SPATA9: variants seen among roughly 807,000 people sequenced by gnomAD.
SPATA9 encodes the protein spermatogenesis-associated protein 9.
SPATA9 carries 27 observed loss-of-function variants against 25.5 expected under a neutral mutation model. That is an observed-to-expected ratio of 1.06 (90% confidence interval 0.78 to 1.46). SPATA9 has a LOEUF of 1.46. Among genes scored for constraint, SPATA9 ranks in the 40% most tolerant of loss-of-function variants. The pLI, the probability that SPATA9 is intolerant of heterozygous loss-of-function variation, is 0.00. For synonymous variants in SPATA9, 102 were observed against 105.7 expected, an observed-to-expected ratio of 0.97 and a Z score of 0.21; for missense variants, 282 against 297.5, an observed-to-expected ratio of 0.95 and a Z score of 0.38.
At chr5:95,705,236 C>T in the SPATA9 span, among the ~76,000 whole-genome samples, 17 of 152,022 alleles carry the variant, frequency 1.1e-4, no homozygotes, top group Non-Finnish European at 2.2e-4. Context: ...TAAAGTGCTG[C>T]GATTACAGGC....
At chr5:95,708,171 C>T in the SPATA9 span, among the ~76,000 whole-genome samples, 5 of 152,050 alleles carry the variant, frequency 3.3e-5, no homozygotes, top group African/African-American at 2.4e-5. Context: ...TAGATTTTCT[C>T]GAACTTTTGG....
the SPATA9 span, among the ~76,000 whole-genome samples, chr5:95,711,479 C>A: frequency 6.6e-6 from 1 of 152,174 alleles, no homozygotes; most frequent in South Asian, 2.1e-4. Flanking sequence ...GGACATAAAC[C>A]AAGAAGGGGG....
At chr5:95,728,098 A>G in the SPATA9 span, among the ~76,000 whole-genome samples, 1 of 152,234 alleles carries the variant, frequency 6.6e-6, no homozygotes, top group Non-Finnish European at 1.5e-5. Flanking sequence ...ATGTGGCCCT[A>G]CCTATATGCA....
chr5:95,731,750 G>A, the SPATA9 span: 3 of 1,609,862 alleles, frequency 1.9e-6, no homozygotes, highest in East Asian at 4.5e-5. Context: ...CAGGGACAGG[G>A]GCTGGTGCCC....
intron 1 of SPATA9, among the ~76,000 whole-genome samples, chr5:95,694,876 A>C (rs1753976119): frequency 6.6e-6 from 1 of 152,204 alleles, no homozygotes; most frequent in African/African-American, 2.4e-5. Flanking sequence ...AGACAACTCT[A>C]GATTTAGTCC....
the SPATA9 span, among the ~76,000 whole-genome samples, chr5:95,722,650 C>G: frequency 8.5e-5 from 13 of 152,264 alleles, no homozygotes; most frequent in African/African-American, 3.1e-4. Context: ...CCACCATGCC[C>G]GGCTAATTTT....
chr5:95,685,265 C>T (rs570888259), upstream of SPATA9, among the ~76,000 whole-genome samples: 6 of 152,196 alleles, frequency 3.9e-5, no homozygotes, highest in African/African-American at 7.2e-5. Flanking sequence ...TGGGCTTGCC[C>T]GATTCACCTG....
the SPATA9 span, among the ~76,000 whole-genome samples, chr5:95,710,270 C>G: frequency 6.6e-6 from 1 of 152,154 alleles, no homozygotes; most frequent in Non-Finnish European, 1.5e-5. Context: ...CTAACAGTTC[C>G]TGACAGTCAT....
chr5:95,652,517 A>G (rs1750406275), downstream of SPATA9: 1 of 736,692 alleles, frequency 1.4e-6, no homozygotes, highest in Non-Finnish European at 2.0e-6. Context: ...AATACCATTC[A>G]TTTCTTGGCC....
the SPATA9 span, chr5:95,731,246 C>T: frequency 1.0e-6 from 1 of 1,004,864 alleles, no homozygotes; most frequent in Non-Finnish European, 1.2e-6. Flanking sequence ...GGGGCTGGCA[C>T]GTGCTGCGCC....
At chr5:95,695,307 A>T (rs766282942) in intron 1 of SPATA9, among the ~76,000 whole-genome samples, 97 of 152,214 alleles carry the variant, frequency 6.4e-4, no homozygotes, top group Non-Finnish European at 1.2e-3. Context: ...TAGTCTTAAA[A>T]ACACGTTTGG....
downstream of SPATA9, chr5:95,658,097 C>G (rs1051570284): frequency 6.6e-6 from 1 of 152,164 alleles, no homozygotes; most frequent in Admixed American, 6.6e-5. Flanking sequence ...CAGAAATCTT[C>G]TCATCACATT....
At chr5:95,688,361 T>A (rs1255488073) in intron 1 of SPATA9, among the ~76,000 whole-genome samples, 1 of 152,168 alleles carries the variant, frequency 6.6e-6, no homozygotes, top group Non-Finnish European at 1.5e-5. Context: ...CAAATGATCT[T>A]CCCACCTTAG....
intron 1 of SPATA9, among the ~76,000 whole-genome samples, chr5:95,688,586 G>C (rs1753805281): frequency 6.6e-6 from 1 of 152,118 alleles, no homozygotes; most frequent in South Asian, 2.1e-4. Context: ...TGGAACTGGA[G>C]GCCATTATGT....
Position 95,682,779 on chromosome 5 carries a change from C to A in SPATA9, c.61+15G>T, listed in dbSNP as rs1241867778. ...TCCCACACCCATACGCCCTTTACAA[C>A]AAGATTGTGTATACTTCTTCCAGAA... On this transcript the variant is annotated intron_variant, in intron 1 of 4. Transcript: ENST00000274432. The A allele has an allele frequency of 3.2e-6, 5 of 1,544,296 alleles. No individual in the cohort carries two copies. The highest frequency in any genetic ancestry group is 4.3e-6 in the Non-Finnish European group (5 of 1,150,406).
intron 3 of SPATA9, among the ~76,000 whole-genome samples, chr5:95,668,182 ATCTT>A (rs1254827068): frequency 3.3e-5 from 5 of 152,226 alleles, no homozygotes; most frequent in East Asian, 1.9e-4. Context: ...GTTTTATTAC[ATCTT>A]TCTTTCTCAG....
At chr5:95,727,196 T>C in the SPATA9 span, among the ~76,000 whole-genome samples, 1 of 152,246 alleles carries the variant, frequency 6.6e-6, no homozygotes, top group Admixed American at 6.5e-5. Context: ...AAGATGCCTT[T>C]GTCAGAGTTC....
intron 2 of SPATA9, among the ~76,000 whole-genome samples, chr5:95,681,008 T>C (rs1180486235): frequency 6.6e-6 from 1 of 152,256 alleles, no homozygotes; most frequent in Non-Finnish European, 1.5e-5. Flanking sequence ...TCTCTTGTGC[T>C]CAACCCATTC....
At chr5:95,705,184 TCTCAAA>T in the SPATA9 span, among the ~76,000 whole-genome samples, 2 of 152,194 alleles carry the variant, frequency 1.3e-5, no homozygotes, top group Middle Eastern at 6.8e-3. Context: ...CCCAAGCTGG[TCTCAAA>T]CTCCTAGGCT....
Sources: allele counts gnomAD v4.1 joint callset (sites outside exome capture counted in the v4.1 genomes callset), GRCh38; gene constraint gnomAD v4.1.1; transcripts MANE v1.5; gene names NCBI Gene and HGNC (gene_info 2026-07-23, HGNC 2026-07-21).